Variants in BANK1 observed in about 807,000 individuals in gnomAD.
The protein encoded by BANK1 is B cell scaffold protein with ankyrin repeats 1.
A neutral mutation model predicts 94.5 loss-of-function variants in BANK1; 95 were observed. That is an observed-to-expected ratio of 1.00 (90% confidence interval 0.85 to 1.19). The LOEUF is 1.19. Ranked by LOEUF, BANK1 falls within the 50% of genes most tolerant of loss-of-function variation. BANK1 has a pLI of 0.00. For synonymous variants in BANK1, 334 were observed against 308.4 expected, an observed-to-expected ratio of 1.08 and a Z score of -0.87; for missense variants, 987 against 932.2, an observed-to-expected ratio of 1.06 and a Z score of -0.77.
chr4:101,822,751 G>A (rs1014695432), intron 1 of BANK1, among the ~76,000 whole-genome samples: 1 of 151,908 alleles, frequency 6.6e-6, no homozygotes, highest in Non-Finnish European at 1.5e-5. Flanking sequence ...GAGTAGCTGG[G>A]ACTACAGGTG....
intron 11 of BANK1, among the ~76,000 whole-genome samples, chr4:102,044,755 T>G (rs1727821888): frequency 1.2e-5 from 1 of 81,210 alleles, no homozygotes; most frequent in Admixed American, 1.6e-4. Flanking sequence ...CTCATTGTGG[T>G]TTTGATTTGC....
At chr4:102,042,490 T>G (rs1214277624) in intron 10 of BANK1, among the ~76,000 whole-genome samples, 2 of 152,074 alleles carry the variant, frequency 1.3e-5, no homozygotes, top group Non-Finnish European at 2.9e-5. Context: ...GGAGTACTCT[T>G]TGTCTTGACA....
intron 14 of BANK1, among the ~76,000 whole-genome samples, chr4:102,071,520 G>A (rs762289169): frequency 6.6e-5 from 10 of 152,192 alleles, no homozygotes; most frequent in African/African-American, 9.6e-5. Flanking sequence ...TAAAAGGACC[G>A]TGAGTTTGGA....
chr4:101,895,495 A>G (rs1275425425), intron 6 of BANK1, 85 bp downstream of exon 6: 2 of 789,402 alleles, frequency 2.5e-6, no homozygotes, highest in East Asian at 3.0e-5. Flanking sequence ...AACCAAAAAT[A>G]TAGGTAGCTG....
At chr4:101,992,984 G>A (rs1441077740) in intron 7 of BANK1, among the ~76,000 whole-genome samples, 2 of 152,124 alleles carry the variant, frequency 1.3e-5, no homozygotes, top group East Asian at 1.9e-4. Context: ...CCCTACAGTC[G>A]TCCTAAATGT....
intron 6 of BANK1, among the ~76,000 whole-genome samples, chr4:101,898,458 T>G (rs1722165529): frequency 6.6e-6 from 1 of 152,046 alleles, no homozygotes; most frequent in Non-Finnish European, 1.5e-5. Context: ...TGAGGACAGG[T>G]CTTTATTTGG....
At chr4:101,792,255 T>TCCCCCCCCCCCCCCCC (rs771698917) in intron 1 of BANK1, among the ~76,000 whole-genome samples, 10 of 128,660 alleles carry the variant, frequency 7.8e-5, no homozygotes, top group Non-Finnish European at 1.0e-4. Context: ...TGCATTCCGC[T>TCCCCCCCCCCCCCCCC]CCCCCCCCGC....
At chr4:101,879,983 A>G (rs1578374620) in intron 5 of BANK1, among the ~76,000 whole-genome samples, 1 of 152,158 alleles carries the variant, frequency 6.6e-6, no homozygotes, top group Non-Finnish European at 1.5e-5. Flanking sequence ...AGCTACTATC[A>G]TACTGAATGG....
chr4:101,926,489 A>C (rs766226763), intron 7 of BANK1, among the ~76,000 whole-genome samples: 4 of 151,770 alleles, frequency 2.6e-5, no homozygotes, highest in Non-Finnish European at 5.9e-5. Flanking sequence ...TTAGTTTAAC[A>C]AATAGATTGA....
At chr4:102,056,683 A>C (rs1578483679) in intron 11 of BANK1, among the ~76,000 whole-genome samples, 1 of 152,134 alleles carries the variant, frequency 6.6e-6, no homozygotes. Context: ...GAGAAAAAAA[A>C]TCATGTTCTA....
chr4:102,010,221 AG>A (rs1560684809), intron 7 of BANK1, among the ~76,000 whole-genome samples: 10 of 151,774 alleles, frequency 6.6e-5, no homozygotes, highest in Admixed American at 6.6e-5. Context: ...GCAGAGATCC[AG>A]CCACTGCACT....
intron 7 of BANK1, among the ~76,000 whole-genome samples, chr4:101,986,899 G>GTGTGTGTGTATATATA (rs1343197093): frequency 8.5e-5 from 7 of 82,668 alleles, no homozygotes; most frequent in African/African-American, 4.5e-4. Context: ...GTGTGTGTGT[G>GTGTGTGTGTATATATA]TATATATATA....
intron 7 of BANK1, among the ~76,000 whole-genome samples, chr4:101,927,724 A>G (rs1429983297): frequency 1.3e-5 from 2 of 151,580 alleles, no homozygotes; most frequent in Non-Finnish European, 3.0e-5. Context: ...CGGAGGATGG[A>G]ATTAATTGCC....
Position 102,017,267 on chromosome 4 carries a change from A to G in BANK1, c.1207-4247A>G, listed in dbSNP as rs78751760. On this transcript the variant is annotated intron_variant, in intron 7 of 16. Coordinates refer to ENST00000322953, the MANE Select transcript of BANK1 (RefSeq NM_017935.5). ...CCATTTTAGTGACAGAGATGGTCAG[A>G]GGCATTTGGCCCAATAAAGGTGCTG... Among the ~76,000 whole-genome samples the G allele has an allele frequency of 5.5e-3, 839 of 152,334 alleles. 19 individuals carry two copies. The East Asian group carries it at 0.065, about 12-fold the overall frequency.
intron 1 of BANK1, among the ~76,000 whole-genome samples, chr4:101,804,657 A>C (rs1725493559): frequency 6.6e-6 from 1 of 152,224 alleles, no homozygotes; most frequent in Non-Finnish European, 1.5e-5. Context: ...AACTTACAGT[A>C]TTGATAAATA....
intron 1 of BANK1, among the ~76,000 whole-genome samples, chr4:101,818,753 A>T (rs1726018231): frequency 6.6e-6 from 1 of 152,138 alleles, no homozygotes; most frequent in South Asian, 2.1e-4. Context: ...AAACTTTATC[A>T]TAGACATACA....
chr4:101,821,147 C>T (rs910973127), intron 1 of BANK1, among the ~76,000 whole-genome samples: 2 of 152,176 alleles, frequency 1.3e-5, no homozygotes, highest in African/African-American at 4.8e-5. Context: ...GCCCTTCTAA[C>T]TGATGTGAGA....
intron 1 of BANK1, among the ~76,000 whole-genome samples, chr4:101,817,333 G>T (rs1472007337): frequency 6.6e-6 from 1 of 152,152 alleles, no homozygotes; most frequent in African/African-American, 2.4e-5. Context: ...GTACACCATG[G>T]AATTCTATGC....
At chr4:101,937,114 C>G (rs1408234316) in intron 7 of BANK1, among the ~76,000 whole-genome samples, 1 of 151,650 alleles carries the variant, frequency 6.6e-6, no homozygotes, top group Non-Finnish European at 1.5e-5. Context: ...AAGTACTATT[C>G]AGCCATAAAA....
Sources: gnomAD v4.1 joint callset for allele counts (sites outside exome capture counted in the v4.1 genomes callset) on GRCh38, gnomAD v4.1.1 for gene constraint, MANE v1.5 for transcripts, NCBI Gene and HGNC (gene_info 2026-07-23, HGNC 2026-07-21) for gene names.